The following CIRSR variants were observed in gnomAD, a reference collection of about 807,000 sequenced individuals.
CIRSR encodes corepressor of RBPJ and splicing regulator, also known as CBF1 (RBPJ) interacting corepressor 1.
chr2:174,373,072 G>GA, the CIRSR span, among the ~76,000 whole-genome samples: 1 of 152,204 alleles, frequency 6.6e-6, no homozygotes, highest in African/African-American at 2.4e-5. Context: ...TCTCAACCTT[G>GA]ATGATGCCTA....
the CIRSR span, among the ~76,000 whole-genome samples, chr2:174,377,833 A>AAAAC: frequency 4.0e-5 from 6 of 151,410 alleles, no homozygotes; most frequent in East Asian, 5.8e-4. Flanking sequence ...TCAAAAAAAA[A>AAAAC]AAAAAAAAAA....
the CIRSR span, among the ~76,000 whole-genome samples, chr2:174,381,016 T>C: frequency 7.2e-5 from 11 of 152,330 alleles, no homozygotes; most frequent in East Asian, 2.1e-3. Flanking sequence ...TTAATAAGTA[T>C]GTTAATTCAC....
the CIRSR span, among the ~76,000 whole-genome samples, chr2:174,357,096 T>C: frequency 6.6e-6 from 1 of 152,182 alleles, no homozygotes; most frequent in Non-Finnish European, 1.5e-5. Context: ...GGTCCACATA[T>C]TGTATTTGAT....
At chr2:174,387,570 G>A in the CIRSR span, 25 of 1,147,122 alleles carry the variant, frequency 2.2e-5, no homozygotes, top group African/African-American at 6.4e-5. Context: ...GGAAAGACAC[G>A]AATCCTATAA....
the CIRSR span, among the ~76,000 whole-genome samples, chr2:174,385,973 G>C: frequency 7.2e-3 from 1,097 of 152,060 alleles, 12 homozygotes; most frequent in African/African-American, 0.026. Context: ...GGAGAAACAG[G>C]GTATTTGCAG....
the CIRSR span, chr2:174,348,320 C>G: frequency 1.1e-6 from 1 of 948,790 alleles, no homozygotes; most frequent in African/African-American, 1.7e-5. Flanking sequence ...TCTTATAGTA[C>G]TCATGTAGTT....
the CIRSR span, among the ~76,000 whole-genome samples, chr2:174,385,237 A>AT: frequency 6.4e-5 from 7 of 110,032 alleles, no homozygotes; most frequent in African/African-American, 3.2e-5. Flanking sequence ...AAAAAAAAAA[A>AT]TTTTTTTTTT....
chr2:174,390,072 T>A, the CIRSR span, among the ~76,000 whole-genome samples: 1 of 152,200 alleles, frequency 6.6e-6, no homozygotes, highest in African/African-American at 2.4e-5. Context: ...ACTGGGGTAC[T>A]GCCTAGTGGA....
the CIRSR span, among the ~76,000 whole-genome samples, chr2:174,388,656 C>T: frequency 6.6e-6 from 1 of 152,102 alleles, no homozygotes; most frequent in African/African-American, 2.4e-5. Context: ...ACATATACCA[C>T]ATTCTTCTTA....
the CIRSR span, among the ~76,000 whole-genome samples, chr2:174,352,958 C>T: frequency 6.6e-6 from 1 of 152,180 alleles, no homozygotes; most frequent in Non-Finnish European, 1.5e-5. Context: ...TATTTGCGCA[C>T]TCACCTGCAT....
chr2:174,382,748 T>C, the CIRSR span, among the ~76,000 whole-genome samples: 1 of 152,078 alleles, frequency 6.6e-6, no homozygotes, highest in East Asian at 1.9e-4. Flanking sequence ...ACACTCAAAG[T>C]TCCCTGTTTG....
At chr2:174,384,385 T>C in the CIRSR span, among the ~76,000 whole-genome samples, 1 of 152,306 alleles carries the variant, frequency 6.6e-6, no homozygotes, top group African/African-American at 2.4e-5. Flanking sequence ...AATAGGGAAT[T>C]ATTCTTTAAT....
chr2:174,387,870 T>C, the CIRSR span: 2 of 1,171,756 alleles, frequency 1.7e-6, no homozygotes, highest in Non-Finnish European at 2.3e-6. Context: ...TAAAATGCAA[T>C]TGTTTAAAGC....
chr2:174,384,981 G>A, the CIRSR span, among the ~76,000 whole-genome samples: 4 of 151,982 alleles, frequency 2.6e-5, no homozygotes, highest in South Asian at 2.1e-4. Context: ...AGGCCAAGGC[G>A]GGAGGATTGC....
At chr2:174,374,387 G>T in the CIRSR span, among the ~76,000 whole-genome samples, 1 of 152,082 alleles carries the variant, frequency 6.6e-6, no homozygotes, top group South Asian at 2.1e-4. Context: ...TTGTAAACTG[G>T]GATTACTCTA....
chr2:174,384,537 C>T, the CIRSR span, among the ~76,000 whole-genome samples: 4 of 152,036 alleles, frequency 2.6e-5, no homozygotes, highest in African/African-American at 7.2e-5. Context: ...TACAAAAAAA[C>T]CCACAGACAA....
the CIRSR span, among the ~76,000 whole-genome samples, chr2:174,393,743 T>A: frequency 6.6e-6 from 1 of 152,126 alleles, no homozygotes; most frequent in Non-Finnish European, 1.5e-5. Context: ...CTGTACATAT[T>A]TAATGTATAC....
the CIRSR span, chr2:174,350,532 A>G: frequency 1.9e-6 from 1 of 513,362 alleles, no homozygotes; most frequent in South Asian, 4.1e-5. Context: ...GCTATGGGTG[A>G]AGAATAATCA....
the CIRSR span, among the ~76,000 whole-genome samples, chr2:174,386,213 C>T: frequency 6.6e-6 from 1 of 152,168 alleles, no homozygotes; most frequent in Admixed American, 6.5e-5. Flanking sequence ...CGGAGTTTCG[C>T]TCTTGTTGGC....
Sources: gnomAD v4.1 joint callset for allele counts (sites outside exome capture counted in the v4.1 genomes callset) on GRCh38, gnomAD v4.1.1 for gene constraint, MANE v1.5 for transcripts, NCBI Gene and HGNC (gene_info 2026-07-23, HGNC 2026-07-21) for gene names.